The following AGBL4 variants were observed in gnomAD, a reference collection of about 807,000 sequenced individuals.
The protein encoded by AGBL4 is AGBL carboxypeptidase 4.
Under a neutral mutation model 66.4 loss-of-function variants are expected in AGBL4, and 58 were observed. The observed-to-expected ratio is 0.87, with a 90% confidence interval of 0.71 to 1.09. The LOEUF is 1.09. Ranked by LOEUF, AGBL4 falls within the 50% of genes least tolerant of loss-of-function variation. AGBL4 has a pLI of 0.00. For synonymous variants in AGBL4, 234 were observed against 222.9 expected, an observed-to-expected ratio of 1.05 and a Z score of -0.44; for missense variants, 579 against 631.0, an observed-to-expected ratio of 0.92 and a Z score of 0.88.
intron 3 of AGBL4, among the ~76,000 whole-genome samples, chr1:49,560,340 A>G (rs1246072219): frequency 6.6e-6 from 1 of 152,204 alleles, no homozygotes; most frequent in East Asian, 1.9e-4. Context: ...CATGTACTGA[A>G]GAATGCAGAA....
At chr1:49,294,124 C>A (rs536571747) in intron 3 of AGBL4, among the ~76,000 whole-genome samples, 2 of 152,136 alleles carry the variant, frequency 1.3e-5, no homozygotes, top group African/African-American at 4.8e-5. Flanking sequence ...TGTGCTATGT[C>A]ACTTAGTTGC....
chr1:48,802,071 T>A (rs1645822841), intron 6 of AGBL4, among the ~76,000 whole-genome samples: 1 of 152,188 alleles, frequency 6.6e-6, no homozygotes, highest in South Asian at 2.1e-4. Flanking sequence ...TGGCTTCCTA[T>A]CAGTTGATAG....
At chr1:49,094,875 G>A (rs1645066753) in intron 4 of AGBL4, among the ~76,000 whole-genome samples, 2 of 152,146 alleles carry the variant, frequency 1.3e-5, no homozygotes, top group South Asian at 4.1e-4. Flanking sequence ...ATTCAGTTAG[G>A]AAAAGAGGAA....
At chr1:49,428,047 CAG>C (rs1645705476) in intron 3 of AGBL4, among the ~76,000 whole-genome samples, 1 of 152,182 alleles carries the variant, frequency 6.6e-6, no homozygotes, top group Admixed American at 6.5e-5. Flanking sequence ...TAGCTAGACA[CAG>C]AGCACTGATT....
At position 49,795,198 on chromosome 1, in the gene AGBL4, T is replaced by TA. The variant is rs139874833; in HGVS notation, c.157+56197dup. On this transcript the variant is annotated intron_variant, in intron 2 of 13. Transcript: ENST00000371839. ...TAAACATAAGCATTCAGCTGATATT[T>TA]AAAAAAAAAATAGAAGTACCATTCT... 4.6e-4 allele frequency among the ~76,000 whole-genome samples: 68 copies of TA among 149,212 alleles called. 1 individual carries two copies. The highest frequency in any genetic ancestry group is 1.0e-3 in the African/African-American group (42 of 40,804).
intron 3 of AGBL4, among the ~76,000 whole-genome samples, chr1:49,272,468 C>T (rs1462019567): frequency 6.6e-6 from 1 of 152,012 alleles, no homozygotes; most frequent in Admixed American, 6.6e-5. Flanking sequence ...TGGTAAATTC[C>T]TATGATTTTA....
At chr1:49,220,790 A>AG (rs1649434429) in intron 4 of AGBL4, among the ~76,000 whole-genome samples, 1 of 152,100 alleles carries the variant, frequency 6.6e-6, no homozygotes, top group Non-Finnish European at 1.5e-5. Context: ...AAACCCCTAA[A>AG]CTTTCAGAGG....
intron 3 of AGBL4, among the ~76,000 whole-genome samples, chr1:49,485,812 AC>A (rs1238401646): frequency 6.6e-6 from 1 of 151,864 alleles, no homozygotes; most frequent in African/African-American, 2.4e-5. Flanking sequence ...GATAGTTACC[AC>A]AGGCTGGGAA....
chr1:49,468,829 T>C (rs1646682422), intron 3 of AGBL4, among the ~76,000 whole-genome samples: 1 of 151,884 alleles, frequency 6.6e-6, no homozygotes, highest in South Asian at 2.1e-4. Flanking sequence ...ATAAGCATTG[T>C]ATGTGTATAT....
chr1:48,611,125 C>T (rs1645231658), intron 9 of AGBL4, among the ~76,000 whole-genome samples: 1 of 152,220 alleles, frequency 6.6e-6, no homozygotes, highest in African/African-American at 2.4e-5. Flanking sequence ...CTGTCAGCTG[C>T]CCTGATATCT....
intron 6 of AGBL4, among the ~76,000 whole-genome samples, chr1:48,838,147 T>G (rs1646725839): frequency 6.6e-6 from 1 of 151,906 alleles, no homozygotes; most frequent in Non-Finnish European, 1.5e-5. Context: ...GCAATCCCTA[T>G]AAAAATACCA....
chr1:49,498,648 T>C (rs1041160272), intron 3 of AGBL4, among the ~76,000 whole-genome samples: 18 of 151,798 alleles, frequency 1.2e-4, no homozygotes, highest in African/African-American at 4.3e-4. Flanking sequence ...TTGTTCCTGT[T>C]CTTAGAAAAA....
At chr1:49,300,282 T>C (rs1423844129) in intron 3 of AGBL4, among the ~76,000 whole-genome samples, 1 of 152,154 alleles carries the variant, frequency 6.6e-6, no homozygotes, top group African/African-American at 2.4e-5. Flanking sequence ...TGCATCCCAG[T>C]TCTGTCATTA....
intron 4 of AGBL4, among the ~76,000 whole-genome samples, chr1:49,104,950 C>A: frequency 6.6e-6 from 1 of 152,138 alleles, no homozygotes; most frequent in East Asian, 1.9e-4. Flanking sequence ...ACATTTCTTA[C>A]ACGAAAAATG....
chr1:49,248,584 G>C lies in AGBL4; in HGVS notation c.283-2720C>G, dbSNP rs963752177. 1.3e-5 allele frequency among the ~76,000 whole-genome samples: 2 copies of C among 151,418 alleles called. 1 individual carries two copies. Among genetic ancestry groups the C allele is most frequent in the South Asian group, 4.2e-4 (2 of 4,782 alleles). Reference sequence around the variant, plus strand: ...TTTTTAGCCAGTTACCCTTGAGATTGAATCCCAGTTCCCTACACGTTCTGC... The same window carrying C: ...TTTTTAGCCAGTTACCCTTGAGATTCAATCCCAGTTCCCTACACGTTCTGC... On this transcript the variant is annotated intron_variant, in intron 3 of 13. Coordinates refer to ENST00000371839, the MANE Select transcript of AGBL4 (RefSeq NM_032785.4).
intron 6 of AGBL4, among the ~76,000 whole-genome samples, chr1:48,757,466 A>ATTT (rs1205064660): frequency 4.9e-4 from 74 of 152,356 alleles, no homozygotes; most frequent in Non-Finnish European, 7.8e-4. Flanking sequence ...ACAATGGCCA[A>ATTT]GGCAATGGTA....
intron 3 of AGBL4, among the ~76,000 whole-genome samples, chr1:49,513,974 C>T (rs925473871): frequency 5.9e-5 from 9 of 151,844 alleles, no homozygotes; most frequent in East Asian, 3.9e-4. Context: ...TTATTCTCTT[C>T]GAAGCAATTG....
At chr1:49,230,324 T>C (rs747506958) in intron 4 of AGBL4, among the ~76,000 whole-genome samples, 3 of 152,212 alleles carry the variant, frequency 2.0e-5, no homozygotes, top group Non-Finnish European at 2.9e-5. Flanking sequence ...TTAAGGATGC[T>C]AGTTTCTTCT....
intron 5 of AGBL4, among the ~76,000 whole-genome samples, chr1:48,879,003 A>G (rs72891900): frequency 0.012 from 1,774 of 152,242 alleles, 32 homozygotes; most frequent in African/African-American, 0.04. Context: ...CTTGATTATG[A>G]GGAAAGAATC....
Sources: gnomAD v4.1 joint callset for allele counts (sites outside exome capture counted in the v4.1 genomes callset) on GRCh38, gnomAD v4.1.1 for gene constraint, MANE v1.5 for transcripts, NCBI Gene and HGNC (gene_info 2026-07-23, HGNC 2026-07-21) for gene names.